The following WDR41 variants were observed in gnomAD, a reference collection of about 807,000 sequenced individuals.
WDR41 encodes the protein WD repeat domain 41.
WDR41 carries 63 observed loss-of-function variants against 69.3 expected under a neutral mutation model. That is an observed-to-expected ratio of 0.91 (90% CI 0.74 to 1.12). The LOEUF is 1.12. Among genes scored for constraint, WDR41 ranks in the 50% most tolerant of loss-of-function variants. The pLI, the probability that WDR41 is intolerant of heterozygous loss-of-function variation, is 0.00. For missense variants in WDR41, 543 were observed against 534.5 expected, an observed-to-expected ratio of 1.02 and a Z score of -0.16; for synonymous variants, 185 against 192.1, an observed-to-expected ratio of 0.96 and a Z score of 0.31.
At chr5:77,562,893 C>A (rs935567632) in intron 1 of WDR41, among the ~76,000 whole-genome samples, 1 of 152,130 alleles carries the variant, frequency 6.6e-6, no homozygotes, top group Non-Finnish European at 1.5e-5. Context: ...CCTCCAGATG[C>A]AATTCCTGAT....
At chr5:77,517,016 C>CAA (rs11286686) in intron 1 of WDR41, among the ~76,000 whole-genome samples, 12 of 113,012 alleles carry the variant, frequency 1.1e-4, no homozygotes, top group African/African-American at 2.9e-4. Context: ...ACTCCATCTC[C>CAA]AAAAAAAAAA....
At chr5:77,437,268 C>T (rs1581689667) in intron 11 of WDR41, 68 bp downstream of exon 11, 1 of 1,278,350 alleles carries the variant, frequency 7.8e-7, no homozygotes, top group Non-Finnish European at 1.1e-6. Flanking sequence ...ACATAATTGT[C>T]CTTCTCCTGC....
At chr5:77,445,476 G>C (rs1799345823) in intron 8 of WDR41, among the ~76,000 whole-genome samples, 1 of 152,078 alleles carries the variant, frequency 6.6e-6, no homozygotes, top group South Asian at 2.1e-4. Flanking sequence ...ACAAAAAAAA[G>C]AAAACTTCAG....
chr5:77,569,351 A>C (rs1313978140), intron 1 of WDR41, among the ~76,000 whole-genome samples: 1 of 152,200 alleles, frequency 6.6e-6, no homozygotes, highest in Non-Finnish European at 1.5e-5. Flanking sequence ...AGGTCATATT[A>C]TTAAGTACAT....
intron 1 of WDR41, among the ~76,000 whole-genome samples, chr5:77,595,577 C>T (rs916864776): frequency 1.2e-4 from 18 of 150,932 alleles, no homozygotes; most frequent in African/African-American, 4.4e-4. Context: ...TTTTGTCCCG[C>T]ATTTCCACTA....
intron 1 of WDR41, among the ~76,000 whole-genome samples, chr5:77,618,424 G>A (rs948957744): frequency 6.6e-6 from 1 of 151,872 alleles, no homozygotes; most frequent in East Asian, 1.9e-4. Context: ...CCAGGCTAGA[G>A]TGCAGTGGCA....
intron 2 of WDR41, among the ~76,000 whole-genome samples, chr5:77,476,286 A>G (rs1342625575): frequency 6.6e-6 from 1 of 151,814 alleles, no homozygotes; most frequent in African/African-American, 2.4e-5. Context: ...CAATCTAGCA[A>G]GGCAGGCCAA....
chr5:77,437,391 T>C lies in WDR41; in HGVS notation c.1038A>G (p.Val346=), dbSNP rs1798982725. 1 of 1,613,970 alleles carries C rather than the reference T, an allele frequency of 6.2e-7. No homozygotes were observed. The change falls in exon 11 of 13, where the codon GTA becomes GTG. Residue 346 remains valine, a synonymous_variant. Transcript: ENST00000296679. ...GTTTTTCTCTTAACTCCCAAATGCG[T>C]ACACTGCCATCTTCTGAGCATGAGA... ...QLISCSEDGS[V]RIWELREKQQ...
At chr5:77,576,835 C>T (rs576347537) in intron 1 of WDR41, among the ~76,000 whole-genome samples, 1 of 152,308 alleles carries the variant, frequency 6.6e-6, no homozygotes, top group South Asian at 2.1e-4. Flanking sequence ...ACGTCACTCT[C>T]AGACCAATTA....
chr5:77,570,890 T>C lies in WDR41; in HGVS notation c.42+49589A>G, dbSNP rs534016311. Among the ~76,000 whole-genome samples, 3 of 152,104 alleles carry C rather than the reference T, an allele frequency of 2.0e-5. No individual in the cohort carries two copies. In the South Asian group the frequency reaches 6.2e-4, roughly 32 times the overall value. The stretch of plus-strand genomic sequence containing the variant: ...GAAATCATCGACAAAGGGTGAAATA[T>C]GAACATAAATGGTAAGTTTTGAATT... On this transcript the variant is annotated intron_variant, in intron 1 of 5. Transcript: ENST00000509971.
At chr5:77,611,901 T>C (rs1346101435) in intron 1 of WDR41, among the ~76,000 whole-genome samples, 1 of 151,484 alleles carries the variant, frequency 6.6e-6, no homozygotes, top group Non-Finnish European at 1.5e-5. Flanking sequence ...CTAGCAAGAC[T>C]AATAAAGAAA....
chr5:77,464,676 T>C, intron 3 of WDR41, 85 bp downstream of exon 3: 1 of 1,360,140 alleles, frequency 7.4e-7, no homozygotes. Flanking sequence ...TATGTAAATG[T>C]ATCCCCAGAT....
intron 1 of WDR41, among the ~76,000 whole-genome samples, chr5:77,519,965 G>C (rs1223262438): frequency 6.6e-6 from 1 of 151,742 alleles, no homozygotes; most frequent in African/African-American, 2.4e-5. Context: ...TTTTTTGTAA[G>C]TAAAAGAAAA....
chr5:77,501,077 C>T (rs1317385604), intron 1 of WDR41, among the ~76,000 whole-genome samples: 2 of 152,226 alleles, frequency 1.3e-5, no homozygotes, highest in African/African-American at 2.4e-5. Context: ...GAGGCGTTGC[C>T]TCACCCAGGA....
intron 2 of WDR41, among the ~76,000 whole-genome samples, chr5:77,474,518 T>C (rs1368495156): frequency 6.6e-6 from 1 of 152,130 alleles, no homozygotes; most frequent in Non-Finnish European, 1.5e-5. Flanking sequence ...AGCATCCAGA[T>C]AGGGACTTGT....
intron 1 of WDR41, among the ~76,000 whole-genome samples, chr5:77,584,721 G>A (rs1349436669): frequency 6.6e-6 from 1 of 152,104 alleles, no homozygotes; most frequent in Non-Finnish European, 1.5e-5. Context: ...ATAAAATGGG[G>A]CAAAAGACAT....
intron 1 of WDR41, among the ~76,000 whole-genome samples, chr5:77,564,312 G>C (rs1743577365): frequency 6.6e-6 from 1 of 152,170 alleles, no homozygotes; most frequent in Non-Finnish European, 1.5e-5. Flanking sequence ...TCAACACTTT[G>C]AGTGGTGGAG....
At chr5:77,555,412 G>A (rs889516067) in intron 1 of WDR41, among the ~76,000 whole-genome samples, 5 of 152,110 alleles carry the variant, frequency 3.3e-5, no homozygotes. Flanking sequence ...TGGCTCAAGT[G>A]AGCCTCCCAC....
intron 1 of WDR41, among the ~76,000 whole-genome samples, chr5:77,521,674 G>A (rs1345197175): frequency 1.3e-5 from 2 of 152,124 alleles, no homozygotes; most frequent in Non-Finnish European, 2.9e-5. Flanking sequence ...ATTTTATGGC[G>A]AAACCTAACC....
Sources: allele counts gnomAD v4.1 joint callset (sites outside exome capture counted in the v4.1 genomes callset), GRCh38; gene constraint gnomAD v4.1.1; transcripts MANE v1.5; gene names NCBI Gene and HGNC (gene_info 2026-07-23, HGNC 2026-07-21).